Variants in ACOX1 observed in about 807,000 individuals in gnomAD.
The protein encoded by ACOX1 is peroxisomal acyl-coenzyme A oxidase 1.
Under a neutral mutation model 75.5 loss-of-function variants are expected in ACOX1, and 41 were observed. That is an observed-to-expected ratio of 0.54 (90% CI 0.42 to 0.70). The LOEUF (loss-of-function observed/expected upper bound fraction) is 0.70. ACOX1 is among the 30% of genes least tolerant of loss of function. The pLI, the probability that ACOX1 is intolerant of heterozygous loss-of-function variation, is 0.00. For missense variants in ACOX1, 630 were observed against 837.5 expected (o/e 0.75, Z 3.06); for synonymous variants, 303 against 298.8 (o/e 1.01, Z -0.15).
intron 7 of ACOX1, among the ~76,000 whole-genome samples, chr17:75,952,808 G>A (rs1375592611): frequency 6.9e-6 from 1 of 144,754 alleles, no homozygotes; most frequent in Non-Finnish European, 1.5e-5. Flanking sequence ...TCCAGTCTGG[G>A]CAACAGAGTG....
Position 75,950,943 on chromosome 17 carries a change from G to A in ACOX1, c.1129C>T (p.Leu377=). The part of the protein sequence containing the change: ...LPELHALTAG[L]KAFTSWTANT... ...GCAGTCCAGGAGGTGAAAGCCTTCA[G>A]TCCAGCGGTGAGGGCATGAAGCTGA... The change falls in exon 9 of 14, where the codon CTG becomes TTG. Residue 377 remains leucine (L), a synonymous_variant. Coordinates refer to ENST00000293217, the MANE Select transcript of ACOX1 (RefSeq NM_004035.7). The surrounding 1 kb of genome is among the most constrained non-coding windows in gnomAD (Gnocchi z 4.3). 6.2e-7 allele frequency: 1 copy of A among 1,614,144 alleles called. No homozygotes were observed. Among genetic ancestry groups the A allele is most frequent in the Non-Finnish European group, 8.5e-7 (1 of 1,180,008 alleles).
At position 75,978,722 on chromosome 17, in the gene ACOX1, G is replaced by A. The variant is rs1567892328; in HGVS notation, c.110-29C>T. On this transcript the variant is annotated intron_variant, in intron 1 of 13. Coordinates refer to ENST00000293217, the MANE Select transcript of ACOX1 (RefSeq NM_004035.7). The surrounding 1 kb of genome is among the most constrained non-coding windows in gnomAD (Gnocchi z 4.2). ...AAAGGGGGTTAAAGGGCATTAAAAG[G>A]CAGACAGACACTCGGGCCTCCGTTC... 22 of 1,612,966 alleles carry A rather than the reference G, an allele frequency of 1.4e-5. No individual in the cohort carries two copies. Among genetic ancestry groups the A allele is most frequent in the Non-Finnish European group, 1.7e-5 (20 of 1,180,026 alleles).
At chr17:75,951,612 TA>T in intron 7 of ACOX1, 35 bp from the exon 8 acceptor site, 1 of 1,607,330 alleles carries the variant, frequency 6.2e-7, no homozygotes, top group Non-Finnish European at 8.5e-7. Flanking sequence ...AAGTAGTAAG[TA>T]AATGTTTATA....
Position 75,960,201 on chromosome 17 carries a change from T to G in ACOX1, c.430+14A>C, listed in dbSNP as rs573922474. ...GGCCCGCCCAACCCAGAAGGTAGAC[T>G]GAATACTCCATACCATGACCCATCT... On this transcript the variant is annotated intron_variant, in intron 3 of 13. Transcript: ENST00000293217. The surrounding 1 kb of genome is among the most constrained non-coding windows in gnomAD (Gnocchi z 4.4). The G allele has an allele frequency of 6.2e-7, 1 of 1,613,970 alleles. No homozygotes were observed. Among genetic ancestry groups the G allele is most frequent in the South Asian group, 1.1e-5 (1 of 91,072 alleles).
intron 4 of ACOX1, among the ~76,000 whole-genome samples, chr17:75,956,963 CTCTCTCTCTATA>C (rs1196859411): frequency 5.2e-4 from 10 of 19,096 alleles, no homozygotes; most frequent in Non-Finnish European, 6.2e-4. Context: ...CTCTCTCTCT[CTCTCTCTCTATA>C]TATATATATA....
At chr17:75,953,006 A>G (rs559582456) in intron 7 of ACOX1, among the ~76,000 whole-genome samples, 28 of 152,166 alleles carry the variant, frequency 1.8e-4, no homozygotes, top group African/African-American at 6.3e-4. Flanking sequence ...TAAAAAGAGT[A>G]TCAGGGAGTA....
rs550496405 is a variant in ACOX1, at chr17:75,946,926, T to G, written c.1936-131A>C. On this transcript the variant is annotated intron_variant, in intron 13 of 13. Coordinates refer to ENST00000293217, the MANE Select transcript of ACOX1 (RefSeq NM_004035.7). Reference sequence around the variant, plus strand: ...CTCTGTTGCTCAGGCTGGAGTGCAGTGGCACAATCTTGGCTCACTACAGCC... The same window carrying G: ...CTCTGTTGCTCAGGCTGGAGTGCAGGGGCACAATCTTGGCTCACTACAGCC... 5.1e-5 allele frequency: 42 copies of G among 816,380 alleles called. No individual in the cohort carries two copies. The African/African-American group carries it at 5.7e-4, about 11-fold the overall frequency. 50.6% of individuals were successfully genotyped at this position (816,380 alleles called of 1,614,324 possible). A position where few individuals can be genotyped will look rare whatever the true frequency, so the allele number is the denominator to read the frequency against.
chr17:75,957,389 C>T (rs1347359010), intron 4 of ACOX1, 70 bp downstream of exon 4: 10 of 1,361,978 alleles, frequency 7.3e-6, no homozygotes, highest in African/African-American at 4.3e-5. Context: ...ATCATAAAAG[C>T]TCTACATTCT....
intron 2 of ACOX1, among the ~76,000 whole-genome samples, chr17:75,967,684 A>G (rs370319475): frequency 2.8e-5 from 4 of 140,424 alleles, no homozygotes; most frequent in East Asian, 4.5e-4. Context: ...ATATATACGT[A>G]TATATATACA....
intron 6 of ACOX1, among the ~76,000 whole-genome samples, chr17:75,954,508 G>C (rs1598179178): frequency 7.8e-6 from 1 of 128,538 alleles, no homozygotes; most frequent in East Asian, 2.6e-4. Context: ...GGGTGACAGA[G>C]ACTCTCTCTC....
chr17:75,974,962 ATGGC>A (rs1409704921), intron 2 of ACOX1, among the ~76,000 whole-genome samples: 1 of 143,802 alleles, frequency 7.0e-6, no homozygotes, highest in Non-Finnish European at 1.5e-5. Context: ...AGGCGGGAGA[ATGGC>A]GTGAACCCGG....
At chr17:75,973,760 G>C (rs758534674) in intron 2 of ACOX1, 30 of 1,614,012 alleles carry the variant, frequency 1.9e-5, no homozygotes, top group Non-Finnish European at 2.5e-5. Context: ...AGGCCCACAG[G>C]TTCCACAAAA....
rs2065879000 is a variant in ACOX1, at chr17:75,960,718, C to T, written c.270-343G>A. The stretch of plus-strand genomic sequence containing the variant: ...GAGAGGCCAGTGCAGTGGATCATGC[C>T]TACAATCTCAGCACTTTGGGAGGCC... On this transcript the variant is annotated intron_variant, in intron 2 of 13. Coordinates refer to ENST00000293217, the MANE Select transcript of ACOX1 (RefSeq NM_004035.7). The surrounding 1 kb of genome is among the most constrained non-coding windows in gnomAD (Gnocchi z 4.4). Among the ~76,000 whole-genome samples the T allele has an allele frequency of 6.6e-6, 1 of 152,202 alleles. No individual in the cohort carries two copies. Among genetic ancestry groups the T allele is most frequent in the Non-Finnish European group, 1.5e-5 (1 of 68,038 alleles).
Position 75,951,401 on chromosome 17 carries a change from G to C in ACOX1, c.1107+14C>G. The stretch of plus-strand genomic sequence containing the variant: ...CAGAAGGGTGCCCATGAGTGAATGA[G>C]ACCAAACTCATACCTCAGGCAGTTC... On this transcript the variant is annotated intron_variant, in intron 8 of 13. Transcript: ENST00000293217. The C allele has an allele frequency of 6.2e-7, 1 of 1,613,934 alleles. No individual in the cohort carries two copies. The highest frequency in any genetic ancestry group is 8.5e-7 in the Non-Finnish European group (1 of 1,179,988).
intron 2 of ACOX1, among the ~76,000 whole-genome samples, chr17:75,974,589 T>A (rs1422886882): frequency 6.6e-6 from 1 of 152,168 alleles, no homozygotes; most frequent in Non-Finnish European, 1.5e-5. Flanking sequence ...ATCTAACTGA[T>A]CTTCACGACT....
intron 2 of ACOX1, among the ~76,000 whole-genome samples, chr17:75,974,139 G>T (rs2066022457): frequency 6.7e-6 from 1 of 149,438 alleles, no homozygotes; most frequent in Admixed American, 6.7e-5. Context: ...TTTTTAGAAT[G>T]TGTGTGGTTT....
intron 2 of ACOX1, among the ~76,000 whole-genome samples, chr17:75,961,759 CAAAAA>C (rs61575984): frequency 3.8e-5 from 2 of 53,036 alleles, no homozygotes; most frequent in African/African-American, 6.5e-5. Context: ...GACTCTGTCT[CAAAAA>C]AAAAAAAAAA....
chr17:75,977,047 G>GA (rs781097149), intron 2 of ACOX1, among the ~76,000 whole-genome samples: 2 of 141,154 alleles, frequency 1.4e-5, no homozygotes, highest in East Asian at 4.1e-4. Context: ...GCCCAGTCTG[G>GA]AGTGCAGTGG....
At chr17:75,962,290 T>C (rs2065895013) in intron 2 of ACOX1, among the ~76,000 whole-genome samples, 1 of 152,208 alleles carries the variant, frequency 6.6e-6, no homozygotes, top group African/African-American at 2.4e-5. Flanking sequence ...GAAATTATCA[T>C]TAATGATAAT....
Sources: allele counts gnomAD v4.1 joint callset (sites outside exome capture counted in the v4.1 genomes callset), GRCh38; gene constraint gnomAD v4.1.1; non-coding constraint Gnocchi (gnomAD v3.1); transcripts MANE v1.5; gene names NCBI Gene and HGNC (gene_info 2026-07-23, HGNC 2026-07-21).